Variants in PKD1L3 observed in about 807,000 individuals in gnomAD.
PKD1L3 encodes the protein polycystin 1 like 3, transient receptor potential channel interacting, also known as polycystin-1-like protein 3.
In PKD1L3, 239 loss-of-function variants were observed where a neutral mutation model predicts 184.1. The ratio of observed to expected loss-of-function variants is 1.30; its 90% CI spans 1.17 to 1.45. The LOEUF is 1.45. PKD1L3 is among the 40% of genes most tolerant of loss of function. The pLI is 0.00. For synonymous variants in PKD1L3, 996 were observed against 778.8 expected (o/e 1.28, Z -4.64); for missense variants, 2,660 against 2,067.2 (o/e 1.29, Z -5.56).
intron 4 of PKD1L3, among the ~76,000 whole-genome samples, chr16:71,988,265 G>T (rs2040450798): frequency 1.3e-5 from 2 of 152,128 alleles, no homozygotes; most frequent in Admixed American, 1.3e-4. Flanking sequence ...TGCGATCTTG[G>T]CTCACCGCAA....
At chr16:71,962,818 G>A (rs961177146) in intron 16 of PKD1L3, among the ~76,000 whole-genome samples, 5 of 152,118 alleles carry the variant, frequency 3.3e-5, no homozygotes, top group African/African-American at 1.2e-4. Flanking sequence ...GAAGGCTACA[G>A]CCCTCTAATA....
At chr16:71,930,415 A>T (rs949823901) in intron 28 of PKD1L3, 2 of 355,916 alleles carry the variant, frequency 5.6e-6, no homozygotes, top group African/African-American at 4.2e-5. Flanking sequence ...TTTCACAAGA[A>T]AACAGGTGAG....
chr16:71,930,223 T>G lies in PKD1L3; in HGVS notation c.4927-40A>C, dbSNP rs534371549. The G allele has an allele frequency of 4.9e-4, 740 of 1,502,280 alleles. 6 individuals are homozygous for G. The South Asian group carries it at 5.5e-3, about 11-fold the overall frequency. 93.1% of individuals were successfully genotyped at this position (1,502,280 alleles called of 1,614,324 possible). On this transcript the variant is annotated intron_variant, in intron 28 of 29. Transcript: ENST00000620267. ...AGAACACTTGCAGTGACTGACAATTTAGTTTATACTTTACAAACATAAGCT... is the reference window on the plus strand; with the variant it reads ...AGAACACTTGCAGTGACTGACAATTGAGTTTATACTTTACAAACATAAGCT...
intron 6 of PKD1L3, among the ~76,000 whole-genome samples, chr16:71,982,806 C>T (rs1404375390): frequency 1.3e-5 from 2 of 152,060 alleles, no homozygotes; most frequent in Admixed American, 6.6e-5. Flanking sequence ...ATTGCCCAGG[C>T]TGGTCTCAAA....
chr16:71,945,307 C>CACACACACACACATATAT (rs1346050733), intron 22 of PKD1L3, among the ~76,000 whole-genome samples: 23 of 37,534 alleles, frequency 6.1e-4, no homozygotes, highest in African/African-American at 2.4e-3. Flanking sequence ...TATATATATA[C>CACACACACACACATATAT]ACACACACAC....
At chr16:71,937,645 G>A (rs946529547) in intron 24 of PKD1L3, among the ~76,000 whole-genome samples, 1 of 152,148 alleles carries the variant, frequency 6.6e-6, no homozygotes, top group Non-Finnish European at 1.5e-5. Flanking sequence ...AGTGGGAAAG[G>A]ATATGCTGTT....
intron 25 of PKD1L3, among the ~76,000 whole-genome samples, chr16:71,936,996 T>C (rs190497658): frequency 6.6e-6 from 1 of 152,182 alleles, no homozygotes; most frequent in Admixed American, 6.5e-5. Flanking sequence ...TAACATGTCA[T>C]TGTAGAGCTT....
Position 71,977,439 on chromosome 16 carries a change from T to TC in PKD1L3, c.1555dup (p.Glu519GlyfsTer34), listed in dbSNP as rs2039972336. ...CATGTTGAGGCTGGTGGGATGGGTT[T>TC]CCAAGCTAACATTTCTCCAGAGCAT... On this transcript the variant is annotated frameshift_variant, in exon 11 of 30. Coordinates refer to ENST00000620267, the MANE Select transcript of PKD1L3 (RefSeq NM_181536.2). LOFTEE classifies it high-confidence loss of function. 1 of 1,551,080 alleles carries TC rather than the reference T, an allele frequency of 6.4e-7. No homozygotes were observed. The highest frequency in any genetic ancestry group is 8.7e-7 in the Non-Finnish European group (1 of 1,146,546).
intron 25 of PKD1L3, among the ~76,000 whole-genome samples, chr16:71,936,033 T>G (rs1160378559): frequency 6.6e-6 from 1 of 151,890 alleles, no homozygotes; most frequent in Non-Finnish European, 1.5e-5. Flanking sequence ...TGGCTTCAAG[T>G]GATCTGCCTA....
chr16:71,942,921 C>G lies in PKD1L3; in HGVS notation c.3963G>C (p.Gln1321His). ...CCTGAAGAAGTTTGATTTCCGAGAA[C>G]TGGTGCGAAAATGTCTTCCAGATAG... ...HQAIWKTFSH[Q>H]FSEIKLLQDF... The change falls in exon 24 of 30, where the codon CAG becomes CAC. Residue 1321 changes from glutamine to histidine, a missense_variant. Transcript: ENST00000620267. 1.3e-6 allele frequency: 2 copies of G among 1,551,546 alleles called. No individual in the cohort carries two copies. Among genetic ancestry groups the G allele is most frequent in the Non-Finnish European group, 8.7e-7 (1 of 1,146,900 alleles).
At chr16:71,933,156 T>C (rs900683673) in intron 28 of PKD1L3, among the ~76,000 whole-genome samples, 1 of 152,058 alleles carries the variant, frequency 6.6e-6, no homozygotes, top group African/African-American at 2.4e-5. Flanking sequence ...AAGCTTCGGC[T>C]CAGTGTCCTT....
intron 5 of PKD1L3, among the ~76,000 whole-genome samples, chr16:71,985,120 T>A (rs947918857): frequency 6.6e-6 from 1 of 152,232 alleles, no homozygotes; most frequent in African/African-American, 2.4e-5. Context: ...AATGCTGACA[T>A]TGCTAAATCC....
intron 24 of PKD1L3, among the ~76,000 whole-genome samples, chr16:71,938,461 G>A (rs1418469828): frequency 6.6e-6 from 1 of 152,254 alleles, no homozygotes; most frequent in Non-Finnish European, 1.5e-5. Context: ...TGGGCAGAAA[G>A]GGGCAGGTCC....
Position 71,986,427 on chromosome 16 carries a change from G to A in PKD1L3, c.628C>T (p.Leu210=). 1 of 1,551,826 alleles carries A rather than the reference G, an allele frequency of 6.4e-7. No homozygotes were observed. Among genetic ancestry groups the A allele is most frequent in the Non-Finnish European group, 8.7e-7 (1 of 1,146,794 alleles). ...CHPISQFPSV[L]SSITSQVTSA... ...GTTACCTGTGATGTGATACTTGATAGTACTGAAGGAAACTGGCTGATGGGA... is the reference window on the plus strand; with the variant it reads ...GTTACCTGTGATGTGATACTTGATAATACTGAAGGAAACTGGCTGATGGGA... Residue 210 remains leucine, a synonymous_variant, in exon 5 of 30, where the codon CTA becomes TTA. Transcript: ENST00000620267.
intron 24 of PKD1L3, among the ~76,000 whole-genome samples, chr16:71,941,911 G>A (rs959706361): frequency 4.0e-5 from 6 of 151,604 alleles, no homozygotes; most frequent in African/African-American, 1.2e-4. Flanking sequence ...TAACTCAGAG[G>A]ACAAAGAAAA....
rs1334742349 is a variant in PKD1L3, at chr16:71,978,317, T to A, written c.1465A>T (p.Ser489Cys). The change falls in exon 10 of 30, where the codon AGT becomes TGT. Residue 489 changes from serine to cysteine, a missense_variant. Coordinates refer to ENST00000620267, the MANE Select transcript of PKD1L3 (RefSeq NM_181536.2). ...TTACGATTAGCGCTTAGTAACACAC[T>A]TCCAATGCTTCCAACAATGTTTCTG... ...DNRNIVGSIG[S>C]VLLSANRKLL... The A allele has an allele frequency of 6.4e-7, 1 of 1,550,800 alleles. No individual in the cohort carries two copies. The highest frequency in any genetic ancestry group is 8.7e-7 in the Non-Finnish European group (1 of 1,146,432).
chr16:71,938,462 G>A (rs1014908017), intron 24 of PKD1L3, among the ~76,000 whole-genome samples: 1 of 152,234 alleles, frequency 6.6e-6, no homozygotes, highest in African/African-American at 2.4e-5. Context: ...GGGCAGAAAG[G>A]GGCAGGTCCC....
At chr16:71,969,846 C>T in intron 13 of PKD1L3, 29 bp downstream of exon 13, 2 of 1,520,834 alleles carry the variant, frequency 1.3e-6, no homozygotes, top group Non-Finnish European at 1.8e-6. Flanking sequence ...AACATCATGG[C>T]AAATCTGTTG....
At chr16:71,972,032 C>T (rs557743213) in intron 12 of PKD1L3, among the ~76,000 whole-genome samples, 5 of 151,972 alleles carry the variant, frequency 3.3e-5, no homozygotes, top group African/African-American at 1.2e-4. Flanking sequence ...CTGGCTAACA[C>T]GGTGAAACCC....
Sources: allele counts gnomAD v4.1 joint callset (sites outside exome capture counted in the v4.1 genomes callset), GRCh38; gene constraint gnomAD v4.1.1; transcripts MANE v1.5; gene names NCBI Gene and HGNC (gene_info 2026-07-23, HGNC 2026-07-21).